The following HLA-E variants were observed in gnomAD, a reference collection of about 807,000 sequenced individuals.
HLA-E encodes the protein major histocompatibility complex, class I, E, also known as HLA class I histocompatibility antigen, alpha chain E.
In HLA-E, 25 loss-of-function variants were observed where a neutral mutation model predicts 43.4. The observed-to-expected ratio is 0.58, with a 90% CI of 0.42 to 0.80. HLA-E has a LOEUF of 0.80. Ranked by LOEUF, HLA-E falls within the 30% of genes least tolerant of loss-of-function variation. The pLI is 0.00. For synonymous variants in HLA-E, 161 were observed against 197.6 expected (o/e 0.81, Z 1.55); for missense variants, 343 against 470.0 (o/e 0.73, Z 2.50).
At position 30,490,115 on chromosome 6, in the gene HLA-E, C is replaced by T. The variant is rs1358562002; in HGVS notation, c.334+120C>T. 1.3e-6 allele frequency: 2 copies of T among 1,505,368 alleles called. No homozygotes were observed. Among genetic ancestry groups the T allele is most frequent in the Non-Finnish European group, 1.8e-6 (2 of 1,107,418 alleles). The allele number at this position is 1,505,368 out of a possible 1,614,324, so 93.3% of individuals were successfully genotyped here. On this transcript the variant is annotated intron_variant, in intron 2 of 7. Coordinates refer to ENST00000376630, the MANE Select transcript of HLA-E (RefSeq NM_005516.6). This position sits in a 1 kb window ranked among gnomAD's most constrained non-coding sequence, Gnocchi z 6.6. ...CCAAGGCTGCGGAACCCGCCCAGAC[C>T]CTAGACCGGGGAGAGTCTCAGGCGC...
rs761244833 is a variant in HLA-E at position 30,493,884 on chromosome 6, C to G, written c.*1138C>G. ...CCTGACCACCACCAGGACCCCAGAA[C>G]TGTGGAGTCAGTGGCAGCATGCAGC... On this transcript the variant is annotated 3_prime_UTR_variant, in exon 8 of 8. Coordinates refer to ENST00000376630, the MANE Select transcript of HLA-E (RefSeq NM_005516.6). This position sits in a 1 kb window ranked among gnomAD's most constrained non-coding sequence, Gnocchi z 5.5. 6.6e-6 allele frequency: 1 copy of G among 152,402 alleles called. No homozygotes were observed. Among genetic ancestry groups the G allele is most frequent in the Non-Finnish European group, 1.5e-5 (1 of 68,192 alleles). The allele number at this position is 152,402 out of a possible 1,614,324, so 9.4% of individuals were successfully genotyped here.
Position 30,489,806 on chromosome 6 carries a change from G to A in HLA-E, c.145G>A (p.Val49Met). ...GEPRFISVGY[V>M]DDTQFVRFDN... Reference sequence around the variant, plus strand: ...GCCCCGCTTCATCTCTGTGGGCTACGTGGACGACACCCAGTTCGTGCGCTT... The same window carrying A: ...GCCCCGCTTCATCTCTGTGGGCTACATGGACGACACCCAGTTCGTGCGCTT... Residue 49 changes from valine to methionine, a missense_variant, in exon 2 of 8, where the codon GTG (valine) becomes ATG (methionine). By Grantham distance (21) the Val-to-Met change is conservative. Coordinates refer to ENST00000376630, the MANE Select transcript of HLA-E (RefSeq NM_005516.6). This position sits in a 1 kb window ranked among gnomAD's most constrained non-coding sequence, Gnocchi z 5.6. 6.2e-7 allele frequency: 1 copy of A among 1,612,988 alleles called. No homozygotes were observed. Among genetic ancestry groups the A allele is most frequent in the Non-Finnish European group, 8.5e-7 (1 of 1,179,984 alleles).
In HLA-E at chr6:30,491,280, G is replaced by A. The variant is rs551208461; in HGVS notation, c.754G>A (p.Val252Met). Residue 252 changes from valine (V) to methionine (M), a missense_variant, in exon 4 of 8, where the codon GTG becomes ATG. By Grantham distance (21) the Val-to-Met change is conservative (BLOSUM62 1). This residue lies in a region of HLA-E where 190 missense variants were observed against 283.6 expected (regional missense o/e 0.67). Coordinates refer to ENST00000376630, the MANE Select transcript of HLA-E (RefSeq NM_005516.6). The surrounding 1 kb of genome is among the most constrained non-coding windows in gnomAD (Gnocchi z 5.4). ...GEGHTQDTELVETRPAGDGTF... is the reference protein window; with the variant it reads ...GEGHTQDTELMETRPAGDGTF... Reference sequence around the variant, plus strand: ...GGGCCATACCCAGGACACGGAGCTCGTGGAGACCAGGCCTGCAGGGGATGG... The same window carrying A: ...GGGCCATACCCAGGACACGGAGCTCATGGAGACCAGGCCTGCAGGGGATGG... 7.9e-5 allele frequency: 128 copies of A among 1,614,106 alleles called. 1 individual carries two copies. Among genetic ancestry groups the A allele is most frequent in the Non-Finnish European group, 1.0e-4 (122 of 1,180,042 alleles).
Position 30,490,679 on chromosome 6 carries a change from T to A in HLA-E, c.610+164T>A, listed in dbSNP as rs966558204. ...GTCACCTGAGGTACAGGAGATCCTA[T>A]ACCACAGAGTGACTCTCTTAAAGGG... On this transcript the variant is annotated intron_variant, in intron 3 of 7. Coordinates refer to ENST00000376630, the MANE Select transcript of HLA-E (RefSeq NM_005516.6). This position sits in a 1 kb window ranked among gnomAD's most constrained non-coding sequence, Gnocchi z 6.6. 1.3e-5 allele frequency among the ~76,000 whole-genome samples: 2 copies of A among 152,154 alleles called. No homozygotes were observed. Among genetic ancestry groups the A allele is most frequent in the African/African-American group, 4.8e-5 (2 of 41,428 alleles).
chr6:30,490,572 A>C lies in HLA-E; in HGVS notation c.610+57A>C. On this transcript the variant is annotated intron_variant, in intron 3 of 7. Transcript: ENST00000376630. This position sits in a 1 kb window ranked among gnomAD's most constrained non-coding sequence, Gnocchi z 6.6. The stretch of plus-strand genomic sequence containing the variant: ...TCCTTCTTGGGCTAGGACTGTGCCC[A>C]CAGCTGACAGACCTCAAACAGTAGA... The C allele has an allele frequency of 6.6e-7, 1 of 1,519,106 alleles. No homozygotes were observed. The highest frequency in any genetic ancestry group is 2.3e-5 in the East Asian group (1 of 44,222). The allele number at this position is 1,519,106 out of a possible 1,614,324, so 94.1% of individuals were successfully genotyped here.
Position 30,489,661 on chromosome 6 carries a change from C to A in HLA-E, c.65-65C>A. 1 of 1,607,568 alleles carries A rather than the reference C, an allele frequency of 6.2e-7. No homozygotes were observed. The highest frequency in any genetic ancestry group is 1.8e-4 in the Middle Eastern group (1 of 5,440). On this transcript the variant is annotated intron_variant, in intron 1 of 7. Coordinates refer to ENST00000376630, the MANE Select transcript of HLA-E (RefSeq NM_005516.6). This position sits in a 1 kb window ranked among gnomAD's most constrained non-coding sequence, Gnocchi z 5.6. ...TAGAGAGGGGCCGGCCCGGCGGGGG[C>A]GAAGGACTCGGGGAGCCGCGCCGGG...
In HLA-E at chr6:30,490,379, C is replaced by CA; in HGVS notation, c.475dup (p.Thr159AsnfsTer12). On this transcript the variant is annotated frameshift_variant, in exon 3 of 8. Coordinates refer to ENST00000376630, the MANE Select transcript of HLA-E (RefSeq NM_005516.6). LOFTEE classifies it high-confidence loss of function. This position sits in a 1 kb window ranked among gnomAD's most constrained non-coding sequence, Gnocchi z 6.6. ...ACCTGCGCTCCTGGACCGCGGTGGACACGGCGGCTCAGATCTCCGAGCAAA... is the reference window on the plus strand; with the variant it reads ...ACCTGCGCTCCTGGACCGCGGTGGACAACGGCGGCTCAGATCTCCGAGCAAA... 1 of 1,613,098 alleles carries CA rather than the reference C, an allele frequency of 6.2e-7. No homozygotes were observed. The highest frequency in any genetic ancestry group is 8.5e-7 in the Non-Finnish European group (1 of 1,180,030).
chr6:30,491,539 C>T lies in HLA-E; in HGVS notation c.889C>T (p.Pro297Ser), dbSNP rs1796538100. The change falls in exon 5 of 8, where the codon CCG (proline) becomes TCG (serine). Residue 297 changes from proline to serine, a missense_variant and splice_region_variant. Transcript: ENST00000376630. This position sits in a 1 kb window ranked among gnomAD's most constrained non-coding sequence, Gnocchi z 5.4. ...LPEPVTLRWK[P>S]ASQPTIPIVG... ...CTTACGTTCCCCTCTTTTCCCAGAG[C>T]CGGCTTCCCAGCCCACCATCCCCAT... is the stretch of plus-strand genomic sequence containing the variant. 16 of 1,613,192 alleles carry T rather than the reference C, an allele frequency of 9.9e-6. No individual in the cohort carries two copies. In the East Asian group the frequency reaches 3.6e-4, roughly 36 times the overall value.
Position 30,489,804 on chromosome 6 carries a change from A to C in HLA-E, c.143A>C (p.Tyr48Ser), listed in dbSNP as rs1344626530. ...GAGCCCCGCTTCATCTCTGTGGGCT[A>C]CGTGGACGACACCCAGTTCGTGCGC... ...RGEPRFISVG[Y>S]VDDTQFVRFD... is the part of the protein sequence containing the mutation. Residue 48 changes from tyrosine to serine, a missense_variant, in exon 2 of 8, where the codon TAC becomes TCC. Coordinates refer to ENST00000376630, the MANE Select transcript of HLA-E (RefSeq NM_005516.6). This position sits in a 1 kb window ranked among gnomAD's most constrained non-coding sequence, Gnocchi z 5.6. 6.2e-7 allele frequency: 1 copy of C among 1,612,934 alleles called. No homozygotes were observed. The highest frequency in any genetic ancestry group is 1.7e-5 in the Admixed American group (1 of 60,030).
rs1796543682 is a variant in HLA-E, at chr6:30,491,603, T to C, written c.953T>C (p.Val318Ala). 1.2e-6 allele frequency: 2 copies of C among 1,613,372 alleles called. No individual in the cohort carries two copies. Among genetic ancestry groups the C allele is most frequent in the Admixed American group, 1.7e-5 (1 of 59,998 alleles). The change falls in exon 5 of 8, where the codon GTG becomes GCG. Residue 318 changes from valine (V) to alanine (A), a missense_variant. Transcript: ENST00000376630. The surrounding 1 kb of genome is among the most constrained non-coding windows in gnomAD (Gnocchi z 5.4). ...IIAGLVLLGS[V>A]VSGAVVAAVI... ...GCTGGCCTGGTTCTCCTTGGATCTG[T>C]GGTCTCTGGAGCTGTGGTTGCTGCT...
Position 30,489,648 on chromosome 6 carries a change from G to T in HLA-E, c.64+53G>T, listed in dbSNP as rs1212750636. 1.2e-6 allele frequency: 2 copies of T among 1,602,080 alleles called. No homozygotes were observed. The highest frequency in any genetic ancestry group is 2.7e-5 in the African/African-American group (2 of 74,752). On this transcript the variant is annotated intron_variant, in intron 1 of 7. Coordinates refer to ENST00000376630, the MANE Select transcript of HLA-E (RefSeq NM_005516.6). The surrounding 1 kb of genome is among the most constrained non-coding windows in gnomAD (Gnocchi z 5.6). ...CCTCTACCGGGAGTAGAGAGGGGCC[G>T]GCCCGGCGGGGGCGAAGGACTCGGG... is the stretch of plus-strand genomic sequence containing the variant.
In HLA-E at chr6:30,490,883, A is replaced by G. The variant is rs1350928791; in HGVS notation, c.611-254A>G. Reference sequence around the variant, plus strand: ...TGGAGGTCTGACTCCAGCTTTTCTCAGTCACTCAGCATCCACACAGGCCAG... The same window carrying G: ...TGGAGGTCTGACTCCAGCTTTTCTCGGTCACTCAGCATCCACACAGGCCAG... On this transcript the variant is annotated intron_variant, in intron 3 of 7. Transcript: ENST00000376630. This position sits in a 1 kb window ranked among gnomAD's most constrained non-coding sequence, Gnocchi z 6.6. 6.6e-6 allele frequency among the ~76,000 whole-genome samples: 1 copy of G among 152,056 alleles called. No individual in the cohort carries two copies. The highest frequency in any genetic ancestry group is 1.5e-5 in the Non-Finnish European group (1 of 67,986).
In HLA-E at chr6:30,493,590, C is replaced by CT. The variant is rs972963474; in HGVS notation, c.*847dup. Reference sequence around the variant, plus strand: ...ATGTGGCAATACTGAAAGGTGGGGCCTTTGAGATGTGATTGGATCGTAAGG... The same window carrying CT: ...ATGTGGCAATACTGAAAGGTGGGGCCTTTTGAGATGTGATTGGATCGTAAGG... On this transcript the variant is annotated 3_prime_UTR_variant, in exon 8 of 8. Transcript: ENST00000376630. The surrounding 1 kb of genome is among the most constrained non-coding windows in gnomAD (Gnocchi z 5.5). 1.7e-4 allele frequency: 26 copies of CT among 152,206 alleles called. No homozygotes were observed. Among genetic ancestry groups the CT allele is most frequent in the Admixed American group, 1.7e-3 (26 of 15,266 alleles). 9.4% of individuals were successfully genotyped at this position (152,206 alleles called of 1,614,324 possible). A position where few individuals can be genotyped will look rare whatever the true frequency, so the allele number is the denominator to read the frequency against.
At position 30,490,972 on chromosome 6, in the gene HLA-E, G is replaced by A. The variant is rs1796495176; in HGVS notation, c.611-165G>A. Among the ~76,000 whole-genome samples the A allele has an allele frequency of 6.6e-6, 1 of 152,180 alleles. No individual in the cohort carries two copies. The highest frequency in any genetic ancestry group is 6.5e-5 in the Admixed American group (1 of 15,284). On this transcript the variant is annotated intron_variant, in intron 3 of 7. Transcript: ENST00000376630. The surrounding 1 kb of genome is among the most constrained non-coding windows in gnomAD (Gnocchi z 6.6). ...TCATCCCGATTCTAGAACTTTCCAA[G>A]GAATAAGAGGCTATCCCAGATCCCT...
In HLA-E at chr6:30,489,988, C is replaced by T; in HGVS notation, c.327C>T (p.Ser109=). 7 of 1,606,174 alleles carry T rather than the reference C, an allele frequency of 4.4e-6. No individual in the cohort carries two copies. Among genetic ancestry groups the T allele is most frequent in the Non-Finnish European group, 6.0e-6 (7 of 1,175,602 alleles). Residue 109 remains serine (S), a synonymous_variant, in exon 2 of 8, where the codon AGC becomes AGT. Coordinates refer to ENST00000376630, the MANE Select transcript of HLA-E (RefSeq NM_005516.6). The surrounding 1 kb of genome is among the most constrained non-coding windows in gnomAD (Gnocchi z 5.6). ...CGCTGCGCGGCTACTACAATCAGAG[C>T]GAGGCCGGTGAGTGACCCCGGCCAG... is the stretch of plus-strand genomic sequence containing the variant. The part of the protein sequence containing the change: ...LRTLRGYYNQ[S]EAGSHTLQWM...
Position 30,491,023 on chromosome 6 carries a change from G to A in HLA-E, c.611-114G>A. On this transcript the variant is annotated intron_variant, in intron 3 of 7. Transcript: ENST00000376630. This position sits in a 1 kb window ranked among gnomAD's most constrained non-coding sequence, Gnocchi z 5.4. ...AAGTCCAGGCTGGTGTCAAGGTTTTGTCCTCTTCTCCTACTATAATTGTCC... is the reference window on the plus strand; with the variant it reads ...AAGTCCAGGCTGGTGTCAAGGTTTTATCCTCTTCTCCTACTATAATTGTCC... 7.0e-7 allele frequency: 1 copy of A among 1,418,746 alleles called. No homozygotes were observed. Among genetic ancestry groups the A allele is most frequent in the Non-Finnish European group, 9.7e-7 (1 of 1,034,056 alleles). 87.9% of individuals were successfully genotyped at this position (1,418,746 alleles called of 1,614,324 possible).
Position 30,492,476 on chromosome 6 carries a change from T to C in HLA-E, c.1036+40T>C, listed in dbSNP as rs374002055. ...GGAGCGTGGAGGAGCTCGCCCACCC[T>C]ATAATTCCTCCTGCACCACATCTCC... On this transcript the variant is annotated intron_variant, in intron 6 of 7. Transcript: ENST00000376630. The surrounding 1 kb of genome is among the most constrained non-coding windows in gnomAD (Gnocchi z 4.5). The C allele has an allele frequency of 2.2e-4, 349 of 1,613,722 alleles. 3 individuals are homozygous for C. The highest frequency in any genetic ancestry group is 1.7e-3 in the South Asian group (151 of 91,074).
rs1405286774 is a variant in HLA-E at position 30,490,786 on chromosome 6, T to C, written c.610+271T>C. The stretch of plus-strand genomic sequence containing the variant: ...CAGATGAACTGATGAGCAGTTCTCT[T>C]TGACTCCCAGTATTAGGAATCACGG... On this transcript the variant is annotated intron_variant, in intron 3 of 7. Coordinates refer to ENST00000376630, the MANE Select transcript of HLA-E (RefSeq NM_005516.6). This position sits in a 1 kb window ranked among gnomAD's most constrained non-coding sequence, Gnocchi z 6.6. Among the ~76,000 whole-genome samples the C allele has an allele frequency of 6.6e-6, 1 of 152,168 alleles. No individual in the cohort carries two copies. The highest frequency in any genetic ancestry group is 1.5e-5 in the Non-Finnish European group (1 of 68,026).
chr6:30,489,611 G>A lies in HLA-E; in HGVS notation c.64+16G>A, dbSNP rs1489065779. ...ACCTGGGCGGGTGAGTGCGGGGTCGGGATGGAAACGGCCTCTACCGGGAGT... is the reference window on the plus strand; with the variant it reads ...ACCTGGGCGGGTGAGTGCGGGGTCGAGATGGAAACGGCCTCTACCGGGAGT... On this transcript the variant is annotated intron_variant, in intron 1 of 7. Transcript: ENST00000376630. The surrounding 1 kb of genome is among the most constrained non-coding windows in gnomAD (Gnocchi z 5.6). The A allele has an allele frequency of 6.3e-7, 1 of 1,584,508 alleles. No homozygotes were observed. Among genetic ancestry groups the A allele is most frequent in the African/African-American group, 1.3e-5 (1 of 74,346 alleles).
Sources: allele counts gnomAD v4.1 joint callset (sites outside exome capture counted in the v4.1 genomes callset), GRCh38; gene constraint gnomAD v4.1.1; regional missense constraint gnomAD v4.1.1; non-coding constraint Gnocchi (gnomAD v3.1); transcripts MANE v1.5; gene names NCBI Gene and HGNC (gene_info 2026-07-23, HGNC 2026-07-21).